LMBR1: variants seen among roughly 807,000 people sequenced by gnomAD.
The protein encoded by LMBR1 is limb development membrane protein 1.
In LMBR1, 52 loss-of-function variants were observed where a neutral mutation model predicts 73.9. The ratio of observed to expected loss-of-function variants is 0.70; its 90% CI spans 0.56 to 0.89. The LOEUF is 0.89. LMBR1 is among the 40% of genes least tolerant of loss of function. The probability of loss-of-function intolerance (pLI) is 0.00; values close to 1 mark genes in which losing one functional copy is unlikely to be tolerated. For synonymous variants in LMBR1, 215 were observed against 209.4 expected (o/e 1.03, Z -0.23); for missense variants, 539 against 579.8 (o/e 0.93, Z 0.72).
At position 156,724,259 on chromosome 7, in the gene LMBR1, T is replaced by C. The variant is rs541996795; in HGVS notation, c.1159-81A>G. 1.1e-4 allele frequency: 120 copies of C among 1,052,728 alleles called. 2 individuals are homozygous for C. In the South Asian group the frequency reaches 1.6e-3, roughly 14 times the overall value. 65.2% of individuals were successfully genotyped at this position (1,052,728 alleles called of 1,614,324 possible). On this transcript the variant is annotated intron_variant, in intron 14 of 16. Coordinates refer to ENST00000353442, the MANE Select transcript of LMBR1 (RefSeq NM_022458.4). The stretch of plus-strand genomic sequence containing the variant: ...AACCCAGTAACATTCTGAGAAATGA[T>C]TGTGCATTCTAGTTACCTAGTGTAC...
rs183744705 is a variant in LMBR1 at position 156,872,874 on chromosome 7, G to A, written c.66+20054C>T. 1.4e-3 allele frequency among the ~76,000 whole-genome samples: 213 copies of A among 152,228 alleles called. 1 individual carries two copies. The highest frequency in any genetic ancestry group is 4.2e-3 in the African/African-American group (175 of 41,526). ...CTACTGCAGGAAAGCCTAGAGAACC[G>A]AAAGACGCTCTGAAAGAAGCAGATT... On this transcript the variant is annotated intron_variant, in intron 1 of 16. Transcript: ENST00000353442.
At chr7:156,717,446 T>A (rs1813472268) in intron 15 of LMBR1, among the ~76,000 whole-genome samples, 2 of 151,750 alleles carry the variant, frequency 1.3e-5, no homozygotes, top group Non-Finnish European at 2.9e-5. Flanking sequence ...AGTGAATGGG[T>A]GGTAGTTGAA....
In LMBR1 at chr7:156,683,991, G is replaced by T; in HGVS notation, c.*87C>A. The stretch of plus-strand genomic sequence containing the variant: ...TAGGTTCTGAAGAGGGGCCACGGTT[G>T]AATGGAAATGCTTCTACATGGGACA... On this transcript the variant is annotated 3_prime_UTR_variant, in exon 17 of 17. Coordinates refer to ENST00000353442, the MANE Select transcript of LMBR1 (RefSeq NM_022458.4). 1 of 1,107,046 alleles carries T rather than the reference G, an allele frequency of 9.0e-7. No individual in the cohort carries two copies. Among genetic ancestry groups the T allele is most frequent in the Middle Eastern group, 2.2e-4 (1 of 4,648 alleles). 68.6% of individuals were successfully genotyped at this position (1,107,046 alleles called of 1,614,324 possible).
intron 9 of LMBR1, among the ~76,000 whole-genome samples, chr7:156,737,080 T>C (rs992147092): frequency 6.6e-6 from 1 of 152,128 alleles, no homozygotes; most frequent in Non-Finnish European, 1.5e-5. Context: ...AGCCCGTATC[T>C]TTTCTTGATT....
chr7:156,752,969 T>C (rs1459741984), intron 9 of LMBR1, among the ~76,000 whole-genome samples: 2 of 138,392 alleles, frequency 1.4e-5, no homozygotes, highest in South Asian at 2.4e-4. Context: ...GGGGAAATGA[T>C]GGGGGGTGAG....
chr7:156,779,959 AG>A (rs1470095092), intron 5 of LMBR1, among the ~76,000 whole-genome samples: 4 of 152,262 alleles, frequency 2.6e-5, no homozygotes, highest in African/African-American at 9.6e-5. Context: ...GTACTAATAA[AG>A]AACAGAAAAT....
At chr7:156,725,561 T>C in intron 13 of LMBR1, 36 bp from the exon 14 acceptor site, 4 of 1,460,516 alleles carry the variant, frequency 2.7e-6, no homozygotes, top group Non-Finnish European at 3.8e-6. Flanking sequence ...TCCAACAGAA[T>C]GCAAGTTTCC....
chr7:156,725,847 GAGAA>G lies in LMBR1; in HGVS notation c.994-14_994-11del. 6.2e-7 allele frequency: 1 copy of G among 1,609,270 alleles called. No homozygotes were observed. Among genetic ancestry groups the G allele is most frequent in the Non-Finnish European group, 8.5e-7 (1 of 1,177,588 alleles). Reference sequence around the variant, plus strand: ...TTCCTATTCCAGGCCCCTGGGGTGGGAGAAAGACACTTTTCAGAATTTGATGACA... The same window carrying G: ...TTCCTATTCCAGGCCCCTGGGGTGGGAGACACTTTTCAGAATTTGATGACA... On this transcript the variant is annotated splice_polypyrimidine_tract_variant and intron_variant, in intron 12 of 16. Transcript: ENST00000353442.
chr7:156,756,876 C>T (rs1020757096), intron 8 of LMBR1, among the ~76,000 whole-genome samples: 6 of 152,008 alleles, frequency 3.9e-5, no homozygotes, highest in African/African-American at 1.5e-4. Flanking sequence ...TGCAGTGGTA[C>T]GATAATCTCA....
intron 5 of LMBR1, among the ~76,000 whole-genome samples, chr7:156,791,120 G>A (rs1374541125): frequency 6.6e-6 from 1 of 152,128 alleles, no homozygotes; most frequent in Non-Finnish European, 1.5e-5. Context: ...AATAGTTAGT[G>A]AGATATGGCT....
rs551025421 is a variant in LMBR1 at position 156,776,233 on chromosome 7, G to T, written c.424-12438C>A. Among the ~76,000 whole-genome samples, 137 of 151,958 alleles carry T rather than the reference G, an allele frequency of 9.0e-4. 1 individual carries two copies. Among genetic ancestry groups the T allele is most frequent in the Non-Finnish European group, 1.1e-3 (76 of 67,972 alleles). ...TCTCTGAAATTTCCAAGGCTTGGGAGTTCACATATCATTTGTGTTTCTAAA... is the reference window on the plus strand; with the variant it reads ...TCTCTGAAATTTCCAAGGCTTGGGATTTCACATATCATTTGTGTTTCTAAA... On this transcript the variant is annotated intron_variant, in intron 5 of 16. Coordinates refer to ENST00000353442, the MANE Select transcript of LMBR1 (RefSeq NM_022458.4).
rs1039650850 is a variant in LMBR1, at chr7:156,874,427, G to T, written c.66+18501C>A. ...AAGCGAGGGAGTGGGCTCCAGCCTC[G>T]GCCCACCCAGAAAGGGGCTCCCACA... On this transcript the variant is annotated intron_variant, in intron 1 of 16. Transcript: ENST00000353442. Among the ~76,000 whole-genome samples the T allele has an allele frequency of 2.0e-5, 3 of 152,290 alleles. No individual in the cohort carries two copies. In the East Asian group the frequency reaches 5.8e-4, roughly 29 times the overall value.
chr7:156,687,343 C>T (rs1806195556), intron 16 of LMBR1, among the ~76,000 whole-genome samples: 1 of 152,156 alleles, frequency 6.6e-6, no homozygotes, highest in African/African-American at 2.4e-5. Flanking sequence ...CCTCCCACCC[C>T]AAACCAAGAT....
At position 156,685,389 on chromosome 7, in the gene LMBR1, G is replaced by T. The variant is rs111253642; in HGVS notation, c.1388-1226C>A. 6.6e-6 allele frequency among the ~76,000 whole-genome samples: 1 copy of T among 152,182 alleles called. No homozygotes were observed. The highest frequency in any genetic ancestry group is 1.5e-5 in the Non-Finnish European group (1 of 68,040). On this transcript the variant is annotated intron_variant, in intron 16 of 16. Coordinates refer to ENST00000353442, the MANE Select transcript of LMBR1 (RefSeq NM_022458.4). The surrounding 1 kb of genome is among the most constrained non-coding windows in gnomAD (Gnocchi z 4.1). ...AACAGGAATGCATTCTGAGAAATGC[G>T]CTGTCGAGCGATTCTGTCGCTGTGA...
intron 10 of LMBR1, among the ~76,000 whole-genome samples, chr7:156,732,901 T>C (rs1308385493): frequency 2.0e-5 from 3 of 152,172 alleles, no homozygotes; most frequent in Non-Finnish European, 4.4e-5. Flanking sequence ...CCCAGTACTT[T>C]GGGAGGCTGA....
intron 9 of LMBR1, among the ~76,000 whole-genome samples, chr7:156,753,749 T>C (rs1004700370): frequency 6.6e-6 from 1 of 151,940 alleles, no homozygotes; most frequent in South Asian, 2.1e-4. Flanking sequence ...CTGTGTGCTG[T>C]GGGGAAGGGG....
chr7:156,845,549 A>G (rs888416902), intron 1 of LMBR1, among the ~76,000 whole-genome samples: 5 of 152,192 alleles, frequency 3.3e-5, no homozygotes, highest in African/African-American at 1.2e-4. Flanking sequence ...AAACACTGAT[A>G]GAATGATACA....
rs2240644 is a variant in LMBR1, at chr7:156,679,143, C to G, written c.*4935G>C. ...CCCAGGCAAATGTCTGCAGCTTTCT[C>G]AGTGGCGTTCCTTGTCGGTAAAATG... On this transcript the variant is annotated 3_prime_UTR_variant, in exon 17 of 17. Transcript: ENST00000353442. The G allele has an allele frequency of 0.67, 102,098 of 151,894 alleles. 35,651 individuals are homozygous for G. Among genetic ancestry groups the G allele is most frequent in the African/African-American group, 0.88 (36,234 of 41,394 alleles). The allele number at this position is 151,894 out of a possible 1,614,324, so 9.4% of individuals were successfully genotyped here.
intron 2 of LMBR1, among the ~76,000 whole-genome samples, chr7:156,836,427 G>C (rs936477179): frequency 6.6e-6 from 1 of 152,146 alleles, no homozygotes; most frequent in African/African-American, 2.4e-5. Context: ...TAGTATTATG[G>C]AGACTCTAAA....
Sources: allele counts gnomAD v4.1 joint callset (sites outside exome capture counted in the v4.1 genomes callset), GRCh38; gene constraint gnomAD v4.1.1; non-coding constraint Gnocchi (gnomAD v3.1); transcripts MANE v1.5; gene names NCBI Gene and HGNC (gene_info 2026-07-23, HGNC 2026-07-21).